Variants in GPRIN3 observed in about 807,000 individuals in gnomAD.
GPRIN3 encodes the protein G protein-regulated inducer of neurite outgrowth 3.
Under a neutral mutation model 13.7 loss-of-function variants are expected in GPRIN3, and 12 were observed. The ratio of observed to expected loss-of-function variants is 0.87; its 90% CI spans 0.56 to 1.42. GPRIN3 has a LOEUF of 1.42. GPRIN3 is among the 40% of genes most tolerant of loss of function. The pLI is 0.00. For missense variants in GPRIN3, 1,009 were observed against 958.7 expected, an observed-to-expected ratio of 1.05 and a Z score of -0.69; for synonymous variants, 377 against 372.7, an observed-to-expected ratio of 1.01 and a Z score of -0.13.
At chr4:89,265,928 G>A (rs1723766793) in intron 1 of GPRIN3, among the ~76,000 whole-genome samples, 1 of 152,198 alleles carries the variant, frequency 6.6e-6, no homozygotes, top group Admixed American at 6.5e-5. Flanking sequence ...CTTAGGAGAA[G>A]TTGAAATGCA....
chr4:89,291,003 C>T (rs1724556281), intron 1 of GPRIN3, among the ~76,000 whole-genome samples: 2 of 152,048 alleles, frequency 1.3e-5, no homozygotes, highest in South Asian at 2.1e-4. Flanking sequence ...TTTAAAGAGA[C>T]GTTTGAGACA....
intron 1 of GPRIN3, among the ~76,000 whole-genome samples, chr4:89,259,608 C>T (rs989430708): frequency 6.6e-6 from 1 of 152,190 alleles, no homozygotes; most frequent in Non-Finnish European, 1.5e-5. Flanking sequence ...AGTAAAGTGC[C>T]ACTCAGCCTT....
rs1217988865 is a variant in GPRIN3, at chr4:89,240,214, T to C, written c.*7566A>G. ...AATGTTGTTAGAATCCACACAGTAT[T>C]ACCTGTTATTGATAATACTAATTTT... On this transcript the variant is annotated 3_prime_UTR_variant, in exon 2 of 2. Transcript: ENST00000609438. The C allele has an allele frequency of 1.3e-5, 2 of 152,184 alleles. No homozygotes were observed. The highest frequency in any genetic ancestry group is 2.9e-5 in the Non-Finnish European group (2 of 68,030). 9.4% of individuals were successfully genotyped at this position (152,184 alleles called of 1,614,324 possible). A position where few individuals can be genotyped will look rare whatever the true frequency, so the allele number is the denominator to read the frequency against.
Position 89,238,762 on chromosome 4 carries a change from A to T in GPRIN3, c.*9018T>A, listed in dbSNP as rs541552635. The stretch of plus-strand genomic sequence containing the variant: ...CTGCAGATTCCTAGCAGAAGCTGTC[A>T]CATGGAAAATCAACTGATTCTGCAC... On this transcript the variant is annotated 3_prime_UTR_variant, in exon 2 of 2. Transcript: ENST00000609438. 5.3e-5 allele frequency: 8 copies of T among 152,364 alleles called. No individual in the cohort carries two copies. Among genetic ancestry groups the T allele is most frequent in the African/African-American group, 1.9e-4 (8 of 41,578 alleles). The allele number at this position is 152,364 out of a possible 1,614,324, so 9.4% of individuals were successfully genotyped here.
At chr4:89,266,467 AATTAT>A (rs1484426674) in intron 1 of GPRIN3, among the ~76,000 whole-genome samples, 2 of 152,194 alleles carry the variant, frequency 1.3e-5, no homozygotes, top group Non-Finnish European at 2.9e-5. Flanking sequence ...ATTTGACTAC[AATTAT>A]ATTATATAAA....
chr4:89,250,274 C>G, intron 1 of GPRIN3, 41 bp from the exon 2 acceptor site: 1 of 1,331,642 alleles, frequency 7.5e-7, no homozygotes, highest in Non-Finnish European at 9.7e-7. Flanking sequence ...CAGTACGTCG[C>G]TTAAGGATTG....
chr4:89,304,567 A>T lies in GPRIN3; in HGVS notation c.-124+3048T>A, dbSNP rs79978364. 5.6e-3 allele frequency among the ~76,000 whole-genome samples: 851 copies of T among 152,322 alleles called. 14 individuals carry two copies. The highest frequency in any genetic ancestry group is 0.019 in the African/African-American group (780 of 41,560). ...AAGCACCATTCTTGAAGGGCACTTA[A>T]TGATTACTATGGGATTACTGTAACT... On this transcript the variant is annotated intron_variant, in intron 1 of 1. Transcript: ENST00000609438.
At position 89,272,880 on chromosome 4, in the gene GPRIN3, G is replaced by A. The variant is rs531462459; in HGVS notation, c.-123-22647C>T. Reference sequence around the variant, plus strand: ...AAATTGATATGCATAGTGACCCACAGATTAAAAACAGCAAGCTTAATTCAG... The same window carrying A: ...AAATTGATATGCATAGTGACCCACAAATTAAAAACAGCAAGCTTAATTCAG... On this transcript the variant is annotated intron_variant, in intron 1 of 1. Transcript: ENST00000609438. 2.0e-5 allele frequency among the ~76,000 whole-genome samples: 3 copies of A among 152,292 alleles called. No homozygotes were observed. In the South Asian group the frequency reaches 6.2e-4, roughly 32 times the overall value.
intron 1 of GPRIN3, among the ~76,000 whole-genome samples, chr4:89,262,530 C>T (rs1301016205): frequency 6.6e-6 from 1 of 152,222 alleles, no homozygotes. Flanking sequence ...ACGTTTCTGT[C>T]AGTGATGATG....
At chr4:89,273,407 C>T (rs187487523) in intron 1 of GPRIN3, among the ~76,000 whole-genome samples, 7 of 152,290 alleles carry the variant, frequency 4.6e-5, no homozygotes, top group Admixed American at 4.6e-4. Flanking sequence ...CTCGGTCGGG[C>T]GCAGTGGCTC....
chr4:89,284,258 C>T (rs992400065), intron 1 of GPRIN3, among the ~76,000 whole-genome samples: 1 of 152,196 alleles, frequency 6.6e-6, no homozygotes. Context: ...TGAACAGAGA[C>T]AGGAGGCTGA....
chr4:89,259,707 AC>A (rs753317458), intron 1 of GPRIN3, among the ~76,000 whole-genome samples: 4 of 150,072 alleles, frequency 2.7e-5, no homozygotes, highest in Non-Finnish European at 3.0e-5. Context: ...CCCCTCTACC[AC>A]CCCCAACTGT....
chr4:89,240,252 A>G lies in GPRIN3; in HGVS notation c.*7528T>C, dbSNP rs929927443. ...TAATACTAATTTTTTGTTTGAGTCC[A>G]TCTTAAGGAACTCAAGACACGAGGC... On this transcript the variant is annotated 3_prime_UTR_variant, in exon 2 of 2. Transcript: ENST00000609438. 1.3e-5 allele frequency: 2 copies of G among 152,166 alleles called. No homozygotes were observed. The highest frequency in any genetic ancestry group is 2.9e-5 in the Non-Finnish European group (2 of 68,024). The allele number at this position is 152,166 out of a possible 1,614,324, so 9.4% of individuals were successfully genotyped here. A position where few individuals can be genotyped will look rare whatever the true frequency, so the allele number is the denominator to read the frequency against.
At chr4:89,264,760 C>T (rs1387116717) in intron 1 of GPRIN3, among the ~76,000 whole-genome samples, 2 of 152,192 alleles carry the variant, frequency 1.3e-5, no homozygotes, top group Non-Finnish European at 2.9e-5. Flanking sequence ...ACTGCAAGTC[C>T]ATTGACTTCC....
At chr4:89,292,835 T>G (rs867444454) in intron 1 of GPRIN3, among the ~76,000 whole-genome samples, 8 of 152,316 alleles carry the variant, frequency 5.3e-5, no homozygotes, top group Middle Eastern at 3.4e-3. Flanking sequence ...TTATATTATA[T>G]AAACCTTCTG....
At chr4:89,283,313 T>G (rs1346786157) in intron 1 of GPRIN3, among the ~76,000 whole-genome samples, 1 of 152,172 alleles carries the variant, frequency 6.6e-6, no homozygotes, top group Non-Finnish European at 1.5e-5. Context: ...CTTCAGAAGC[T>G]CACATCCACT....
intron 1 of GPRIN3, among the ~76,000 whole-genome samples, chr4:89,306,105 A>G (rs1725026656): frequency 6.6e-6 from 1 of 152,106 alleles, no homozygotes; most frequent in Admixed American, 6.6e-5. Flanking sequence ...TCGATTAAAG[A>G]CACACAAAAC....
In GPRIN3 at chr4:89,249,591, C is replaced by A; in HGVS notation, c.520G>T (p.Val174Leu). ...REQPEKPSCP[V>L]GGVLSSSKDQ... The stretch of plus-strand genomic sequence containing the variant: ...TTGCTGCTACTGAGGACGCCTCCCA[C>A]AGGACAACTTGGTTTCTCAGGTTGC... The change falls in exon 2 of 2, where the codon GTG (valine) becomes TTG (leucine). Residue 174 changes from valine (V) to leucine (L), a missense_variant. Transcript: ENST00000609438. The A allele has an allele frequency of 6.2e-7, 1 of 1,614,170 alleles. No homozygotes were observed. The highest frequency in any genetic ancestry group is 1.1e-5 in the South Asian group (1 of 91,084).
rs371011964 is a variant in GPRIN3 at position 89,261,938 on chromosome 4, C to T, written c.-123-11705G>A. Among the ~76,000 whole-genome samples the T allele has an allele frequency of 8.6e-5, 13 of 151,432 alleles. No homozygotes were observed. In the East Asian group the frequency reaches 2.1e-3, roughly 25 times the overall value. The stretch of plus-strand genomic sequence containing the variant: ...ACCAGCCTGGGCAACATGGTGAAAC[C>T]CCGTCTCTACTAAAAATACACACAC... On this transcript the variant is annotated intron_variant, in intron 1 of 1. Coordinates refer to ENST00000609438, the MANE Select transcript of GPRIN3 (RefSeq NM_198281.3).
Sources: gnomAD v4.1 joint callset for allele counts (sites outside exome capture counted in the v4.1 genomes callset) on GRCh38, gnomAD v4.1.1 for gene constraint, MANE v1.5 for transcripts, NCBI Gene and HGNC (gene_info 2026-07-23, HGNC 2026-07-21) for gene names.